Variants in RPH3A observed in about 807,000 individuals in gnomAD.
RPH3A encodes rabphilin-3A.
RPH3A carries 48 observed loss-of-function variants against 102.2 expected under a neutral mutation model. The observed-to-expected ratio is 0.47, with a 90% confidence interval of 0.37 to 0.60. The LOEUF (loss-of-function observed/expected upper bound fraction) is 0.60, where lower values mean the gene tolerates loss of function less well. RPH3A is among the 20% of genes least tolerant of loss of function. The probability of loss-of-function intolerance (pLI) is 0.00; values close to 1 mark genes in which losing one functional copy is unlikely to be tolerated. For synonymous variants in RPH3A, 310 were observed against 324.3 expected, an observed-to-expected ratio of 0.96 and a Z score of 0.47; for missense variants, 781 against 910.1, an observed-to-expected ratio of 0.86 and a Z score of 1.83.
intron 1 of RPH3A, among the ~76,000 whole-genome samples, chr12:112,738,429 T>A (rs966335279): frequency 2.6e-5 from 4 of 152,184 alleles, no homozygotes; most frequent in Non-Finnish European, 5.9e-5. Flanking sequence ...ACTAATGACA[T>A]CTGCAGATAC....
chr12:112,837,391 C>A (rs930737815), intron 4 of RPH3A, among the ~76,000 whole-genome samples: 5 of 152,138 alleles, frequency 3.3e-5, no homozygotes, highest in African/African-American at 1.2e-4. Flanking sequence ...CTTGCCTTAC[C>A]CTTATGTTTA....
chr12:112,580,839 T>C (rs2039395798), intron 1 of RPH3A, among the ~76,000 whole-genome samples: 1 of 152,196 alleles, frequency 6.6e-6, no homozygotes, highest in Non-Finnish European at 1.5e-5. Flanking sequence ...GACTAAAATA[T>C]CAAATCCCTA....
Position 112,896,958 on chromosome 12 carries a change from T to C in RPH3A, c.*178T>C. The C allele has an allele frequency of 1.6e-6, 1 of 613,968 alleles. No homozygotes were observed. Among genetic ancestry groups the C allele is most frequent in the South Asian group, 2.0e-5 (1 of 49,358 alleles). The allele number at this position is 613,968 out of a possible 1,614,324, so 38.0% of individuals were successfully genotyped here. The stretch of plus-strand genomic sequence containing the variant: ...CTGCTGCCAAAGACTCCCTCCTCCC[T>C]GATGCTGGGATGTGGGCTCTGAATA... On this transcript the variant is annotated 3_prime_UTR_variant, in exon 22 of 22. Transcript: ENST00000389385.
chr12:112,765,908 C>T (rs1162143569), intron 1 of RPH3A, among the ~76,000 whole-genome samples: 2 of 152,208 alleles, frequency 1.3e-5, no homozygotes, highest in African/African-American at 4.8e-5. Flanking sequence ...TTTTAGAACT[C>T]AATGGCAGGA....
At chr12:112,875,384 C>A (rs2042778271) in intron 11 of RPH3A, among the ~76,000 whole-genome samples, 1 of 152,152 alleles carries the variant, frequency 6.6e-6, no homozygotes, top group African/African-American at 2.4e-5. Context: ...ATCTTACCCA[C>A]CCAGTGCAGA....
intron 1 of RPH3A, among the ~76,000 whole-genome samples, chr12:112,749,699 C>T (rs2040773193): frequency 6.6e-6 from 1 of 152,182 alleles, no homozygotes. Flanking sequence ...ATCCCATTAA[C>T]AGGTGAGAAA....
At chr12:112,892,577 G>T (rs920314477) in intron 19 of RPH3A, among the ~76,000 whole-genome samples, 7 of 152,200 alleles carry the variant, frequency 4.6e-5, no homozygotes, top group Non-Finnish European at 2.9e-5. Flanking sequence ...TCAGTTATTG[G>T]CTAAGAACAC....
intron 2 of RPH3A, among the ~76,000 whole-genome samples, chr12:112,827,772 G>A (rs904405949): frequency 1.3e-5 from 2 of 152,058 alleles, no homozygotes; most frequent in Non-Finnish European, 1.5e-5. Context: ...AGGGGAGGGA[G>A]AGCATTAGAA....
rs73427089 is a variant in RPH3A at position 112,854,264 on chromosome 12, G to A, written c.230+6422G>A. ...GAGGGGCAAAGTCACCTCCTGTTGA[G>A]AACCACTGCTCTAGCCCTTTTGTTG... is the stretch of plus-strand genomic sequence containing the variant. On this transcript the variant is annotated intron_variant, in intron 5 of 21. Transcript: ENST00000389385. Among the ~76,000 whole-genome samples, 639 of 152,306 alleles carry A rather than the reference G, an allele frequency of 4.2e-3. 4 individuals are homozygous for A. Among genetic ancestry groups the A allele is most frequent in the African/African-American group, 0.015 (630 of 41,568 alleles).
chr12:112,822,173 A>G (rs1268162336), intron 2 of RPH3A, among the ~76,000 whole-genome samples: 9 of 152,240 alleles, frequency 5.9e-5, no homozygotes. Flanking sequence ...AGGGGCAAGG[A>G]AAGAGATCAA....
intron 1 of RPH3A, among the ~76,000 whole-genome samples, chr12:112,735,025 C>G (rs1275851287): frequency 6.6e-6 from 1 of 152,168 alleles, no homozygotes; most frequent in African/African-American, 2.4e-5. Context: ...TAGGTCTCAA[C>G]CTTATTTTAC....
intron 4 of RPH3A, among the ~76,000 whole-genome samples, chr12:112,839,804 A>C (rs1052206326): frequency 2.6e-5 from 4 of 152,306 alleles, no homozygotes; most frequent in Admixed American, 6.5e-5. Context: ...CCTGGCCAAC[A>C]TGGTGAAATC....
At chr12:112,654,916 G>C (rs989568284) in intron 1 of RPH3A, among the ~76,000 whole-genome samples, 15 of 152,178 alleles carry the variant, frequency 9.9e-5, no homozygotes, top group African/African-American at 3.4e-4. Context: ...ATCGTGAAAG[G>C]CTTGTTCTTC....
intron 2 of RPH3A, among the ~76,000 whole-genome samples, chr12:112,801,954 G>C (rs999115659): frequency 1.3e-5 from 2 of 152,102 alleles, no homozygotes; most frequent in Non-Finnish European, 2.9e-5. Flanking sequence ...TTGCAAGGTG[G>C]CATCTAATCT....
Position 112,802,910 on chromosome 12 carries a change from T to C in RPH3A, c.-19+10647T>C, listed in dbSNP as rs904344211. Among the ~76,000 whole-genome samples the C allele has an allele frequency of 5.3e-5, 8 of 152,032 alleles. No individual in the cohort carries two copies. The East Asian group carries it at 1.4e-3, about 26-fold the overall frequency. ...CACCGACGTTGCCTCTGAGAATAGA[T>C]TGGTGAAAGCAGAAAGGCTCATTTT... On this transcript the variant is annotated intron_variant, in intron 2 of 21. Coordinates refer to ENST00000389385, the MANE Select transcript of RPH3A (RefSeq NM_001143854.2).
chr12:112,600,652 AG>A (rs1051081951), intron 1 of RPH3A, among the ~76,000 whole-genome samples: 2 of 152,204 alleles, frequency 1.3e-5, no homozygotes, highest in South Asian at 2.1e-4. Context: ...GTCTCTAGGA[AG>A]TTCCAAACTT....
intron 1 of RPH3A, among the ~76,000 whole-genome samples, chr12:112,756,536 C>T (rs1329984098): frequency 6.6e-6 from 1 of 152,124 alleles, no homozygotes; most frequent in Non-Finnish European, 1.5e-5. Flanking sequence ...ACCCTACTTG[C>T]AAGCTAAAAT....
intron 7 of RPH3A, 114 bp from the exon 8 acceptor site, chr12:112,868,316 G>T: frequency 7.9e-6 from 8 of 1,016,500 alleles, no homozygotes; most frequent in Non-Finnish European, 8.7e-6. Flanking sequence ...AAGTGTGCTG[G>T]CTATTGTGTC....
In RPH3A at chr12:112,855,111, T is replaced by C. The variant is rs373411595; in HGVS notation, c.230+7269T>C. On this transcript the variant is annotated intron_variant, in intron 5 of 21. Coordinates refer to ENST00000389385, the MANE Select transcript of RPH3A (RefSeq NM_001143854.2). ...AGAACCCCAACCATAAGCACTGACATGAAACAAAGATTTCATTCTTCTAGC... is the reference window on the plus strand; with the variant it reads ...AGAACCCCAACCATAAGCACTGACACGAAACAAAGATTTCATTCTTCTAGC... Among the ~76,000 whole-genome samples, 87 of 152,272 alleles carry C rather than the reference T, an allele frequency of 5.7e-4. No homozygotes were observed. The East Asian group carries it at 8.3e-3, about 15-fold the overall frequency.
Sources: allele counts gnomAD v4.1 joint callset (sites outside exome capture counted in the v4.1 genomes callset), GRCh38; gene constraint gnomAD v4.1.1; transcripts MANE v1.5; gene names NCBI Gene and HGNC (gene_info 2026-07-23, HGNC 2026-07-21).